Variants in JAKMIP2 observed in about 807,000 individuals in gnomAD.
JAKMIP2 encodes janus kinase and microtubule-interacting protein 2.
Under a neutral mutation model 115.0 loss-of-function variants are expected in JAKMIP2, and 25 were observed. That is an observed-to-expected ratio of 0.22 (90% CI 0.16 to 0.30). The LOEUF is 0.30. Ranked by LOEUF, JAKMIP2 falls within the 10% of genes least tolerant of loss-of-function variation. JAKMIP2 has a pLI of 1.00. For synonymous variants in JAKMIP2, 334 were observed against 343.6 expected, an observed-to-expected ratio of 0.97 and a Z score of 0.31; for missense variants, 642 against 957.6, an observed-to-expected ratio of 0.67 and a Z score of 4.35.
Position 147,587,058 on chromosome 5 carries a change from T to C in JAKMIP2, c.*4649A>G, listed in dbSNP as rs919888202. 6.6e-6 allele frequency: 1 copy of C among 152,170 alleles called. No individual in the cohort carries two copies. The highest frequency in any genetic ancestry group is 6.5e-5 in the Admixed American group (1 of 15,274). 9.4% of individuals were successfully genotyped at this position (152,170 alleles called of 1,614,324 possible). On this transcript the variant is annotated 3_prime_UTR_variant, in exon 22 of 22. Coordinates refer to ENST00000616793, the MANE Select transcript of JAKMIP2 (RefSeq NM_001270941.2). ...AACTTTCCATTATGTCTGTATCTTC[T>C]TGCCAATATGCCTGAAATTAGATCT...
At chr5:147,781,499 G>A (rs188582257) in intron 1 of JAKMIP2, among the ~76,000 whole-genome samples, 212 of 148,912 alleles carry the variant, frequency 1.4e-3, no homozygotes, top group African/African-American at 4.6e-3. Flanking sequence ...ACCACAAACC[G>A]CCTCCCATTC....
chr5:147,612,250 C>A (rs1416631805), intron 20 of JAKMIP2, 56 bp downstream of exon 20: 16 of 1,166,778 alleles, frequency 1.4e-5, no homozygotes, highest in Non-Finnish European at 2.0e-5. Context: ...TGAGCAAAAT[C>A]AATATTGCTT....
At position 147,746,140 on chromosome 5, in the gene JAKMIP2, A is replaced by G. The variant is rs1754339297; in HGVS notation, c.-149+36316T>C. Among the ~76,000 whole-genome samples, 3 of 152,188 alleles carry G rather than the reference A, an allele frequency of 2.0e-5. No homozygotes were observed. The South Asian group carries it at 6.2e-4, about 32-fold the overall frequency. ...TCCAAAAGTAAATATGCAGTTAGAAAGAACTGGACTTTTGCATGCATCAGA... is the reference window on the plus strand; with the variant it reads ...TCCAAAAGTAAATATGCAGTTAGAAGGAACTGGACTTTTGCATGCATCAGA... On this transcript the variant is annotated intron_variant, in intron 1 of 21. Coordinates refer to ENST00000616793, the MANE Select transcript of JAKMIP2 (RefSeq NM_001270941.2).
intron 1 of JAKMIP2, among the ~76,000 whole-genome samples, chr5:147,743,000 A>C (rs1465686663): frequency 2.0e-5 from 3 of 152,174 alleles, no homozygotes; most frequent in Non-Finnish European, 4.4e-5. Flanking sequence ...CCTAATCTGC[A>C]ATGTTAGGCT....
intron 1 of JAKMIP2, among the ~76,000 whole-genome samples, chr5:147,772,086 C>T (rs1172947759): frequency 3.3e-5 from 5 of 151,972 alleles, no homozygotes; most frequent in Non-Finnish European, 7.4e-5. Flanking sequence ...AATATCTGCC[C>T]TGTCTTTATT....
intron 5 of JAKMIP2, among the ~76,000 whole-genome samples, chr5:147,647,619 T>C (rs1758190517): frequency 6.6e-6 from 1 of 152,180 alleles, no homozygotes; most frequent in South Asian, 2.1e-4. Flanking sequence ...AACCATAATG[T>C]AAGGTGTAAG....
intron 3 of JAKMIP2, among the ~76,000 whole-genome samples, chr5:147,653,395 T>C (rs898400548): frequency 2.0e-5 from 3 of 152,276 alleles, no homozygotes; most frequent in Admixed American, 1.3e-4. Context: ...TTTTTAATAA[T>C]TGCCATTCTG....
chr5:147,658,021 C>T (rs1227226545), intron 3 of JAKMIP2, among the ~76,000 whole-genome samples: 1 of 152,104 alleles, frequency 6.6e-6, no homozygotes, highest in Non-Finnish European at 1.5e-5. Flanking sequence ...TTGTCCATCT[C>T]ATCCTCCATC....
chr5:147,629,037 ATT>A (rs1164426411), intron 15 of JAKMIP2, among the ~76,000 whole-genome samples: 1 of 152,180 alleles, frequency 6.6e-6, no homozygotes, highest in Non-Finnish European at 1.5e-5. Context: ...CACCGATTTG[ATT>A]TTGTGTCACT....
chr5:147,773,777 G>C (rs1404474450), intron 1 of JAKMIP2, among the ~76,000 whole-genome samples: 1 of 152,010 alleles, frequency 6.6e-6, no homozygotes, highest in Non-Finnish European at 1.5e-5. Context: ...TGCAACAATC[G>C]ATTTCCCTTG....
intron 1 of JAKMIP2, among the ~76,000 whole-genome samples, chr5:147,691,018 C>T (rs1373173854): frequency 2.0e-5 from 3 of 152,116 alleles, no homozygotes; most frequent in Non-Finnish European, 4.4e-5. Flanking sequence ...ATCTCACCCA[C>T]TCATTCAGCC....
intron 20 of JAKMIP2, among the ~76,000 whole-genome samples, chr5:147,605,650 T>C (rs1755970207): frequency 6.6e-6 from 1 of 152,168 alleles, no homozygotes; most frequent in Non-Finnish European, 1.5e-5. Context: ...CTTTGGGTTA[T>C]ATATCCAGTA....
intron 10 of JAKMIP2, among the ~76,000 whole-genome samples, chr5:147,637,424 C>T (rs1032204071): frequency 7.6e-6 from 1 of 130,870 alleles, no homozygotes; most frequent in African/African-American, 2.8e-5. Context: ...TTTTGCCTCC[C>T]CAAATTCTTT....
intron 1 of JAKMIP2, among the ~76,000 whole-genome samples, chr5:147,732,553 A>G (rs537760886): frequency 6.6e-6 from 1 of 152,202 alleles, no homozygotes; most frequent in Non-Finnish European, 1.5e-5. Context: ...AATGGTGGAT[A>G]TAGGAGAAAA....
In JAKMIP2 at chr5:147,649,428, T is replaced by C. The variant is rs368185323; in HGVS notation, c.837+910A>G. On this transcript the variant is annotated intron_variant, in intron 4 of 21. Transcript: ENST00000616793. ...CCATATGAGGTACTACTATAGCTTC[T>C]ATTTTACACATGAGGAAACTGAATG... Among the ~76,000 whole-genome samples, 295 of 152,286 alleles carry C rather than the reference T, an allele frequency of 1.9e-3. 3 individuals carry two copies. Among genetic ancestry groups the C allele is most frequent in the African/African-American group, 6.9e-3 (288 of 41,554 alleles).
rs1038424950 is a variant in JAKMIP2 at position 147,678,742 on chromosome 5, T to C, written c.-148-6788A>G. 2.0e-5 allele frequency among the ~76,000 whole-genome samples: 3 copies of C among 152,248 alleles called. No individual in the cohort carries two copies. In the South Asian group the frequency reaches 6.2e-4, roughly 32 times the overall value. On this transcript the variant is annotated intron_variant, in intron 1 of 21. Coordinates refer to ENST00000616793, the MANE Select transcript of JAKMIP2 (RefSeq NM_001270941.2). ...GATATCCCATTCTCCATGATGTACT[T>C]ATTTCACATTGCATGCCTGTATCAA...
chr5:147,697,414 G>T (rs959357475), intron 1 of JAKMIP2, among the ~76,000 whole-genome samples: 5 of 152,198 alleles, frequency 3.3e-5, no homozygotes, highest in African/African-American at 9.7e-5. Context: ...CTGAAGTTGA[G>T]ATTTGAATGG....
chr5:147,702,814 T>C (rs147822580), intron 1 of JAKMIP2, among the ~76,000 whole-genome samples: 4 of 152,146 alleles, frequency 2.6e-5, no homozygotes, highest in Non-Finnish European at 4.4e-5. Flanking sequence ...TCCATTTATA[T>C]GAGATAAATT....
At chr5:147,695,502 T>C (rs1752064615) in intron 1 of JAKMIP2, among the ~76,000 whole-genome samples, 3 of 152,228 alleles carry the variant, frequency 2.0e-5, no homozygotes, top group East Asian at 1.9e-4. Context: ...TAGGGCATTA[T>C]TGAATGGCAA....
Sources: allele counts gnomAD v4.1 joint callset (sites outside exome capture counted in the v4.1 genomes callset), GRCh38; gene constraint gnomAD v4.1.1; transcripts MANE v1.5; gene names NCBI Gene and HGNC (gene_info 2026-07-23, HGNC 2026-07-21).